The following SYN3 variants were observed in gnomAD, a reference collection of about 807,000 sequenced individuals.
The protein encoded by SYN3 is synapsin-3.
A neutral mutation model predicts 65.8 loss-of-function variants in SYN3; 35 were observed. The ratio of observed to expected loss-of-function variants is 0.53; its 90% CI spans 0.41 to 0.70. SYN3 has a LOEUF of 0.70. Among genes scored for constraint, SYN3 ranks in the 30% least tolerant of loss-of-function variants. SYN3 has a pLI of 0.00. For missense variants in SYN3, 680 were observed against 749.0 expected (o/e 0.91, Z 1.08); for synonymous variants, 270 against 292.9 (o/e 0.92, Z 0.80).
chr22:32,830,436 C>T (rs1177868495), intron 6 of SYN3, among the ~76,000 whole-genome samples: 2 of 152,192 alleles, frequency 1.3e-5, no homozygotes, highest in East Asian at 3.9e-4. Context: ...AGCTGAGATT[C>T]AACCCCAGGT....
intron 6 of SYN3, among the ~76,000 whole-genome samples, chr22:32,730,700 T>C (rs749364576): frequency 1.1e-4 from 17 of 152,146 alleles, no homozygotes; most frequent in Non-Finnish European, 1.9e-4. Flanking sequence ...AGGTAATAAG[T>C]GGGTGTTGTC....
chr22:32,523,515 AAAACAAAC>A (rs541997649), intron 12 of SYN3, among the ~76,000 whole-genome samples: 3 of 152,124 alleles, frequency 2.0e-5, no homozygotes, highest in African/African-American at 7.2e-5. Flanking sequence ...TCCATCTCAA[AAAACAAAC>A]AAACAAACAA....
intron 4 of SYN3, among the ~76,000 whole-genome samples, chr22:32,915,277 TA>T (rs1319859904): frequency 6.6e-6 from 1 of 151,958 alleles, no homozygotes; most frequent in Admixed American, 6.5e-5. Flanking sequence ...ATAATAATAA[TA>T]AAAAAAGAAT....
At chr22:32,879,692 C>T (rs1361065208) in intron 4 of SYN3, among the ~76,000 whole-genome samples, 1 of 152,202 alleles carries the variant, frequency 6.6e-6, no homozygotes, top group Non-Finnish European at 1.5e-5. Context: ...GGCATTCAGA[C>T]CACAGCAGTA....
chr22:32,582,217 C>T (rs891647615), intron 7 of SYN3, among the ~76,000 whole-genome samples: 1 of 152,218 alleles, frequency 6.6e-6, no homozygotes, highest in African/African-American at 2.4e-5. Flanking sequence ...CATGGTAATG[C>T]CTGGTCCCTT....
chr22:32,802,154 A>G, intron 6 of SYN3: 1 of 1,567,002 alleles, frequency 6.4e-7, no homozygotes, highest in Non-Finnish European at 8.6e-7. Context: ...CCCGAGCCCC[A>G]CGCTGCAGCC....
At chr22:33,015,842 T>C (rs1263494036) in intron 1 of SYN3, among the ~76,000 whole-genome samples, 35 of 143,216 alleles carry the variant, frequency 2.4e-4, no homozygotes, top group Admixed American at 2.4e-3. Context: ...CAAATTTTCT[T>C]TTCTTTTTTT....
In SYN3 at chr22:32,956,680, C is replaced by T. The variant is rs890381380; in HGVS notation, c.369+23965G>A. Among the ~76,000 whole-genome samples, 23 of 152,198 alleles carry T rather than the reference C, an allele frequency of 1.5e-4. 1 individual carries two copies. Among genetic ancestry groups the T allele is most frequent in the Non-Finnish European group, 3.1e-4 (21 of 68,046 alleles). ...CACATTTTGTTCACCCATTCATCTG[C>T]TGATGGACATCTGGGTTGTTTCCAC... On this transcript the variant is annotated intron_variant, in intron 3 of 13. Transcript: ENST00000358763.
chr22:32,660,813 G>A (rs1227727945), intron 6 of SYN3, among the ~76,000 whole-genome samples: 1 of 152,152 alleles, frequency 6.6e-6, no homozygotes, highest in African/African-American at 2.4e-5. Context: ...CCGAAAAAAA[G>A]TGAAGCTTAT....
intron 6 of SYN3, among the ~76,000 whole-genome samples, chr22:32,600,303 A>G (rs866510856): frequency 3.3e-5 from 5 of 152,192 alleles, no homozygotes; most frequent in Non-Finnish European, 5.9e-5. Flanking sequence ...TAGTACTCCT[A>G]TGAGAATCTA....
intron 6 of SYN3, among the ~76,000 whole-genome samples, chr22:32,614,441 G>C (rs2059487230): frequency 6.6e-6 from 1 of 152,226 alleles, no homozygotes; most frequent in Admixed American, 6.5e-5. Flanking sequence ...GGAGGGATTT[G>C]ATGGTCCCTT....
intron 12 of SYN3, chr22:32,518,577 T>C (rs1472614706): frequency 9.1e-6 from 6 of 659,148 alleles, no homozygotes; most frequent in Admixed American, 6.2e-5. Flanking sequence ...TGACACAGGA[T>C]ACTGTTGATA....
chr22:32,779,655 G>T lies in SYN3; in HGVS notation c.711+85260C>A, dbSNP rs138095130. 1.6e-4 allele frequency among the ~76,000 whole-genome samples: 24 copies of T among 152,196 alleles called. No homozygotes were observed. In the East Asian group the frequency reaches 4.2e-3, roughly 27 times the overall value. ...GAGCAGTGTAATGACTTACCCAGGG[G>T]CACTCAGCTGGCTAGTTGCAGAGCT... On this transcript the variant is annotated intron_variant, in intron 6 of 13. Coordinates refer to ENST00000358763, the MANE Select transcript of SYN3 (RefSeq NM_003490.4).
At chr22:32,714,952 T>C (rs1304272875) in intron 6 of SYN3, among the ~76,000 whole-genome samples, 2 of 152,202 alleles carry the variant, frequency 1.3e-5, no homozygotes, top group Non-Finnish European at 2.9e-5. Flanking sequence ...GTATTTAGTT[T>C]GGGTATCTTT....
At chr22:32,934,240 T>C (rs1284766192) in intron 3 of SYN3, among the ~76,000 whole-genome samples, 3 of 152,120 alleles carry the variant, frequency 2.0e-5, no homozygotes, top group South Asian at 2.1e-4. Flanking sequence ...ACCAAATATA[T>C]GCAGAGAGGG....
At chr22:33,002,643 CA>C (rs1601882388) in intron 2 of SYN3, among the ~76,000 whole-genome samples, 1 of 151,348 alleles carries the variant, frequency 6.6e-6, no homozygotes, top group East Asian at 1.9e-4. Context: ...GACTCCATCT[CA>C]AAAAAACAAA....
In SYN3 at chr22:32,887,762, C is replaced by T. The variant is rs73881907; in HGVS notation, c.462-18637G>A. Among the ~76,000 whole-genome samples the T allele has an allele frequency of 7.2e-3, 1,098 of 152,280 alleles. 15 individuals are homozygous for T. The highest frequency in any genetic ancestry group is 0.026 in the African/African-American group (1,069 of 41,538). On this transcript the variant is annotated intron_variant, in intron 4 of 13. Transcript: ENST00000358763. ...TGTTTATTGTTCACGAGTTGACAGG[C>T]ATTTGGGTTGTCTCCAGATTGGGGC...
intron 6 of SYN3, chr22:32,783,275 G>A (rs904659306): frequency 6.6e-6 from 1 of 152,176 alleles, no homozygotes; most frequent in African/African-American, 2.4e-5. Flanking sequence ...GCCTCAGTTG[G>A]AGAGACAATA....
chr22:32,733,266 G>A (rs1187557364), intron 6 of SYN3, among the ~76,000 whole-genome samples: 1 of 152,186 alleles, frequency 6.6e-6, no homozygotes, highest in Non-Finnish European at 1.5e-5. Context: ...ACCCAACCAG[G>A]ATTTGTCAAG....
Sources: gnomAD v4.1 joint callset for allele counts (sites outside exome capture counted in the v4.1 genomes callset) on GRCh38, gnomAD v4.1.1 for gene constraint, MANE v1.5 for transcripts, NCBI Gene and HGNC (gene_info 2026-07-23, HGNC 2026-07-21) for gene names.